The following IFIH1 variants were observed in gnomAD, a reference collection of about 807,000 sequenced individuals.
IFIH1 encodes interferon induced with helicase C domain 1.
A neutral mutation model predicts 107.4 loss-of-function variants in IFIH1; 125 were observed. That is an observed-to-expected ratio of 1.16 (90% confidence interval 1.01 to 1.35). IFIH1 has a LOEUF of 1.35. IFIH1 is among the 40% of genes most tolerant of loss of function. IFIH1 has a pLI of 0.00. For missense variants in IFIH1, 1,333 were observed against 1,213.7 expected, an observed-to-expected ratio of 1.10 and a Z score of -1.46; for synonymous variants, 458 against 413.2, an observed-to-expected ratio of 1.11 and a Z score of -1.31.
chr2:162,267,182 A>G lies in IFIH1; in HGVS notation c.*18T>C. On this transcript the variant is annotated 3_prime_UTR_variant, in exon 16 of 16. Transcript: ENST00000649979. ...AATGTTTAACTGATAGTATTTTAAA[A>G]GAATCTTCAATCAAGTGCTAATCCT... The G allele has an allele frequency of 6.6e-7, 1 of 1,524,196 alleles. No homozygotes were observed. The highest frequency in any genetic ancestry group is 1.2e-5 in the South Asian group (1 of 81,764). The allele number at this position is 1,524,196 out of a possible 1,614,324, so 94.4% of individuals were successfully genotyped here. A position where few individuals can be genotyped will look rare whatever the true frequency, so the allele number is the denominator to read the frequency against.
At chr2:162,301,559 T>C (rs538888807) in intron 3 of IFIH1, among the ~76,000 whole-genome samples, 1 of 152,324 alleles carries the variant, frequency 6.6e-6, no homozygotes, top group Admixed American at 6.5e-5. Context: ...TTGTAATGCA[T>C]TAATTCCTAA....
chr2:162,289,321 G>C (rs12466054), intron 4 of IFIH1, among the ~76,000 whole-genome samples: 1 of 151,234 alleles, frequency 6.6e-6, no homozygotes, highest in South Asian at 2.1e-4. Flanking sequence ...ATTATAATAT[G>C]TCTTGTTTTA....
chr2:162,289,163 C>A (rs575330307), intron 4 of IFIH1, among the ~76,000 whole-genome samples: 1 of 151,904 alleles, frequency 6.6e-6, no homozygotes, highest in South Asian at 2.1e-4. Context: ...TTTATTACTT[C>A]CTTATGTTTA....
intron 3 of IFIH1, among the ~76,000 whole-genome samples, chr2:162,301,091 C>T (rs573939143): frequency 1.3e-5 from 2 of 152,198 alleles, no homozygotes; most frequent in Non-Finnish European, 1.5e-5. Flanking sequence ...AATATATCCA[C>T]AATATATTCC....
At chr2:162,277,968 G>A (rs2105198160) in intron 9 of IFIH1, among the ~76,000 whole-genome samples, 1 of 152,266 alleles carries the variant, frequency 6.6e-6, no homozygotes, top group East Asian at 1.9e-4. Context: ...TTTGGAGACA[G>A]AGCTATTAAA....
chr2:162,292,456 G>A (rs1683010538), intron 4 of IFIH1, among the ~76,000 whole-genome samples: 1 of 151,742 alleles, frequency 6.6e-6, no homozygotes, highest in African/African-American at 2.4e-5. Context: ...AAGGGATTCA[G>A]GAGTGTCATT....
At chr2:162,286,750 C>T (rs1350669966) in intron 5 of IFIH1, among the ~76,000 whole-genome samples, 2 of 151,842 alleles carry the variant, frequency 1.3e-5, no homozygotes, top group Non-Finnish European at 2.9e-5. Flanking sequence ...GGATTTGGCA[C>T]TTAAAAGCCT....
chr2:162,290,341 T>C (rs778086277), intron 4 of IFIH1, among the ~76,000 whole-genome samples: 4 of 151,846 alleles, frequency 2.6e-5, no homozygotes, highest in South Asian at 2.1e-4. Context: ...GAGAAAGATA[T>C]AGCAATTTCC....
intron 13 of IFIH1, among the ~76,000 whole-genome samples, chr2:162,270,159 G>T (rs1029992024): frequency 6.6e-6 from 1 of 151,980 alleles, no homozygotes; most frequent in Non-Finnish European, 1.5e-5. Flanking sequence ...ACAAAAAAAA[G>T]AACTCATAAT....
In IFIH1 at chr2:162,267,079, T is replaced by C; in HGVS notation, c.*121A>G. 1.3e-6 allele frequency: 1 copy of C among 783,458 alleles called. No individual in the cohort carries two copies. Among genetic ancestry groups the C allele is most frequent in the Non-Finnish European group, 2.0e-6 (1 of 496,014 alleles). The allele number at this position is 783,458 out of a possible 1,614,324, so 48.5% of individuals were successfully genotyped here. On this transcript the variant is annotated 3_prime_UTR_variant, in exon 16 of 16. Coordinates refer to ENST00000649979, the MANE Select transcript of IFIH1 (RefSeq NM_022168.4). ...TATTGTGTTCTTAAAAAGAGTTCAA[T>C]GCAGAGTAAAACAATCATTTTATTG...
intron 4 of IFIH1, among the ~76,000 whole-genome samples, chr2:162,290,252 T>C (rs1366058519): frequency 6.6e-6 from 1 of 151,868 alleles, no homozygotes; most frequent in Admixed American, 6.6e-5. Context: ...GAATAAACTA[T>C]TAAAAGAGTA....
In IFIH1 at chr2:162,271,634, T is replaced by C. The variant is rs549904431; in HGVS notation, c.2616+592A>G. On this transcript the variant is annotated intron_variant, in intron 13 of 15. Coordinates refer to ENST00000649979, the MANE Select transcript of IFIH1 (RefSeq NM_022168.4). The stretch of plus-strand genomic sequence containing the variant: ...GAAAAAAAAGAATTTCAAAAACTAC[T>C]AAAAACAAGAAAGTATCCATCTAGT... Among the ~76,000 whole-genome samples, 9 of 152,264 alleles carry C rather than the reference T, an allele frequency of 5.9e-5. No homozygotes were observed. The East Asian group carries it at 1.7e-3, about 29-fold the overall frequency.
intron 2 of IFIH1, among the ~76,000 whole-genome samples, chr2:162,308,982 G>A (rs1162438728): frequency 2.0e-5 from 3 of 152,164 alleles, no homozygotes; most frequent in Non-Finnish European, 4.4e-5. Context: ...CACCAGCTGT[G>A]AACTTGTGAA....
chr2:162,316,964 GT>G (rs1683499196), intron 1 of IFIH1, among the ~76,000 whole-genome samples: 1 of 151,722 alleles, frequency 6.6e-6, no homozygotes, highest in African/African-American at 2.4e-5. Context: ...TCAATGAATT[GT>G]TTCTAAATTT....
chr2:162,300,910 G>T (rs980521696), intron 3 of IFIH1, among the ~76,000 whole-genome samples: 3 of 152,016 alleles, frequency 2.0e-5, no homozygotes, highest in Non-Finnish European at 4.4e-5. Flanking sequence ...AAATTTTGTG[G>T]CACTTTTACA....
Position 162,277,434 on chromosome 2 carries a change from A to C in IFIH1, c.2025T>G (p.Phe675Leu). 6.2e-7 allele frequency: 1 copy of C among 1,608,864 alleles called. No individual in the cohort carries two copies. The highest frequency in any genetic ancestry group is 8.5e-7 in the Non-Finnish European group (1 of 1,176,454). ...TCTTACCAAAAAATAAAGTCATGAGAAATCTATCTGTTTCATCCAGTTTCA... is the reference window on the plus strand; with the variant it reads ...TCTTACCAAAAAATAAAGTCATGAGCAATCTATCTGTTTCATCCAGTTTCA... ...KPLKLDETDR[F>L]LMTLFFENNK... The change falls in exon 10 of 16, where the codon TTT (phenylalanine) becomes TTG (leucine). Residue 675 changes from phenylalanine (F) to leucine (L), a missense_variant. Transcript: ENST00000649979.
At position 162,278,276 on chromosome 2, in the gene IFIH1, C is replaced by A. The variant is rs560193080; in HGVS notation, c.1694G>T (p.Cys565Phe). The change falls in exon 9 of 16, where the codon TGT becomes TTT. Residue 565 changes from cysteine (C) to phenylalanine (F), a missense_variant. Transcript: ENST00000649979. ...LEIMTRIQTY[C>F]QMSPMSDFGT... ...AAAATCTGACATTGGACTCATTTGA[C>A]AATAAGTTTGAATCCTTGTCATTAT... 5.0e-5 allele frequency: 78 copies of A among 1,545,624 alleles called. No homozygotes were observed. The highest frequency in any genetic ancestry group is 6.8e-5 in the Non-Finnish European group (76 of 1,123,782).
intron 4 of IFIH1, among the ~76,000 whole-genome samples, chr2:162,293,357 G>A (rs1179249699): frequency 6.6e-6 from 1 of 151,148 alleles, no homozygotes; most frequent in Admixed American, 6.6e-5. Flanking sequence ...ATATGTACTG[G>A]ATCAAAATTA....
intron 6 of IFIH1, 33 bp downstream of exon 6, chr2:162,282,333 A>T: frequency 7.3e-7 from 1 of 1,372,306 alleles, no homozygotes; most frequent in Non-Finnish European, 1.0e-6. Flanking sequence ...TATTACTATT[A>T]ATTTTTTTAA....
Sources: gnomAD v4.1 joint callset for allele counts (sites outside exome capture counted in the v4.1 genomes callset) on GRCh38, gnomAD v4.1.1 for gene constraint, MANE v1.5 for transcripts, NCBI Gene and HGNC (gene_info 2026-07-23, HGNC 2026-07-21) for gene names.